The following IL21 variants were observed in gnomAD, a reference collection of about 807,000 sequenced individuals.
IL21 encodes the protein interleukin 21, also known as interleukin-21.
IL21 carries 3 observed loss-of-function variants against 18.4 expected under a neutral mutation model. The observed-to-expected ratio is 0.16, with a 90% confidence interval of 0.07 to 0.42. The LOEUF (loss-of-function observed/expected upper bound fraction) is 0.42, where lower values mean the gene tolerates loss of function less well. Among genes scored for constraint, IL21 ranks in the 10% least tolerant of loss-of-function variants. The probability of loss-of-function intolerance (pLI) is 0.99; values close to 1 mark genes in which losing one functional copy is unlikely to be tolerated. For synonymous variants in IL21, 37 were observed against 62.0 expected (o/e 0.60, Z 1.90); for missense variants, 130 against 188.4 (o/e 0.69, Z 1.81).
intron 3 of IL21, among the ~76,000 whole-genome samples, chr4:122,613,595 G>C (rs1315727678): frequency 1.3e-5 from 2 of 152,022 alleles, no homozygotes; most frequent in Admixed American, 6.5e-5. Flanking sequence ...CAGGTGATCC[G>C]CCTGCCTCGG....
rs1005467445 is a variant in IL21, at chr4:122,611,682, C to T, written c.*1028G>A. ...GGAGTCCTGGCCTCTTGGTTTGTCT[C>T]CTGATTTTTAAATTATATAGGTGAT... On this transcript the variant is annotated 3_prime_UTR_variant, in exon 5 of 5. Coordinates refer to ENST00000648588, the MANE Select transcript of IL21 (RefSeq NM_021803.4). 6.6e-6 allele frequency among the ~76,000 whole-genome samples: 1 copy of T among 151,996 alleles called. No homozygotes were observed. The highest frequency in any genetic ancestry group is 1.5e-5 in the Non-Finnish European group (1 of 68,004).
In IL21 at chr4:122,611,701, A is replaced by T. The variant is rs1174465657; in HGVS notation, c.*1009T>A. Among the ~76,000 whole-genome samples the T allele has an allele frequency of 1.3e-5, 2 of 152,150 alleles. No homozygotes were observed. The highest frequency in any genetic ancestry group is 2.9e-5 in the Non-Finnish European group (2 of 68,026). ...TTGTCTCCTGATTTTTAAATTATAT[A>T]GGTGATTGAATTTGTCTTATCCAAA... is the stretch of plus-strand genomic sequence containing the variant. On this transcript the variant is annotated 3_prime_UTR_variant, in exon 5 of 5. Transcript: ENST00000648588.
chr4:122,619,232 C>T (rs1270184329), intron 2 of IL21: 2 of 152,088 alleles, frequency 1.3e-5, no homozygotes, highest in Non-Finnish European at 2.9e-5. Context: ...CTCTTACAGA[C>T]CCTACTTTGA....
chr4:122,610,346 A>C lies in IL21; in HGVS notation c.*2364T>G, dbSNP rs940852973. Among the ~76,000 whole-genome samples the C allele has an allele frequency of 6.6e-6, 1 of 152,124 alleles. No homozygotes were observed. ...ACTAAAATAATAAAGATCATGATTA[A>C]TTTTCCCTGAACTCTCATGACCTAT... On this transcript the variant is annotated 3_prime_UTR_variant, in exon 5 of 5. Coordinates refer to ENST00000648588, the MANE Select transcript of IL21 (RefSeq NM_021803.4).
chr4:122,620,648 A>G (rs577263379), intron 2 of IL21, 53 bp downstream of exon 2: 2 of 1,491,330 alleles, frequency 1.3e-6, no homozygotes, highest in African/African-American at 2.8e-5. Context: ...TTCTTATTGG[A>G]TTTAAAAACT....
At chr4:122,614,814 T>C (rs1398584533) in intron 3 of IL21, among the ~76,000 whole-genome samples, 1 of 152,196 alleles carries the variant, frequency 6.6e-6, no homozygotes, top group African/African-American at 2.4e-5. Flanking sequence ...TGAGTTGGCA[T>C]ATACAAGAGG....
rs1179158629 is a variant in IL21, at chr4:122,611,653, G to A, written c.*1057C>T. Among the ~76,000 whole-genome samples the A allele has an allele frequency of 3.9e-5, 6 of 152,118 alleles. No individual in the cohort carries two copies. Among genetic ancestry groups the A allele is most frequent in the Non-Finnish European group, 8.8e-5 (6 of 68,012 alleles). Reference sequence around the variant, plus strand: ...TATGCGAAAGTCTGTTTTCAACTTGGACAGGAGTCCTGGCCTCTTGGTTTG... The same window carrying A: ...TATGCGAAAGTCTGTTTTCAACTTGAACAGGAGTCCTGGCCTCTTGGTTTG... On this transcript the variant is annotated 3_prime_UTR_variant, in exon 5 of 5. Transcript: ENST00000648588.
In IL21 at chr4:122,612,748, G is replaced by T; in HGVS notation, c.451C>A (p.His151Asn). Residue 151 changes from histidine to asparagine, a missense_variant, in exon 5 of 5, where the codon CAT (histidine) becomes AAT (asparagine). Physicochemically the swap from His to Asn is moderately conservative, Grantham distance 68. Transcript: ENST00000648588. ...KSLLQKMIHQHLSSRTHGSED... is the reference protein window; with the variant it reads ...KSLLQKMIHQNLSSRTHGSED... ...CTTCCGTGTGTTCTAGAGGACAGAT[G>T]CTGATGAATCATCTGTGGAAATAGT... 6.2e-7 allele frequency: 1 copy of T among 1,613,498 alleles called. No homozygotes were observed. Among genetic ancestry groups the T allele is most frequent in the Non-Finnish European group, 8.5e-7 (1 of 1,179,674 alleles).
At chr4:122,614,163 A>G (rs546206877) in intron 3 of IL21, among the ~76,000 whole-genome samples, 5 of 152,256 alleles carry the variant, frequency 3.3e-5, no homozygotes, top group African/African-American at 1.2e-4. Context: ...ACTCCTTTGT[A>G]GATCTCACTT....
At chr4:122,617,651 C>T (rs1180407729) in intron 2 of IL21, among the ~76,000 whole-genome samples, 1 of 152,182 alleles carries the variant, frequency 6.6e-6, no homozygotes, top group Non-Finnish European at 1.5e-5. Context: ...TTCTGAAAGC[C>T]TTTGAATGGT....
intron 3 of IL21, among the ~76,000 whole-genome samples, chr4:122,613,689 G>T (rs1560661347): frequency 6.6e-6 from 1 of 151,912 alleles, no homozygotes; most frequent in Admixed American, 6.6e-5. Context: ...TTACTCCAAA[G>T]AACATCTCTG....
At chr4:122,613,394 C>T (rs1799290523) in intron 3 of IL21, among the ~76,000 whole-genome samples, 1 of 148,246 alleles carries the variant, frequency 6.7e-6, no homozygotes, top group African/African-American at 2.5e-5. Context: ...CTGTGTCACC[C>T]AGGCTGGAGT....
At chr4:122,619,268 G>A (rs1799388770) in intron 2 of IL21, 1 of 152,086 alleles carries the variant, frequency 6.6e-6, no homozygotes, top group South Asian at 2.1e-4. Context: ...ATGCTAATGT[G>A]ACCTTGAACG....
chr4:122,615,641 T>C lies in IL21; in HGVS notation c.360+41A>G, dbSNP rs531353548. The C allele has an allele frequency of 3.8e-6, 6 of 1,572,422 alleles. No homozygotes were observed. In the South Asian group the frequency reaches 7.0e-5, roughly 18 times the overall value. On this transcript the variant is annotated intron_variant, in intron 3 of 4. Transcript: ENST00000648588. ...GTTTATGTAATGCAAGATATATAGTTTATAAGTACAAATAAGAGAGATGAC... is the reference window on the plus strand; with the variant it reads ...GTTTATGTAATGCAAGATATATAGTCTATAAGTACAAATAAGAGAGATGAC...
rs1423592697 is a variant in IL21 at position 122,610,116 on chromosome 4, G to A, written c.*2594C>T. ...ATCACAAAAGACGGTTGTACTGGGC[G>A]GGTAGTATTTAATATGATCAGGTCT... On this transcript the variant is annotated 3_prime_UTR_variant, in exon 5 of 5. Transcript: ENST00000648588. Among the ~76,000 whole-genome samples the A allele has an allele frequency of 1.3e-5, 2 of 151,908 alleles. No individual in the cohort carries two copies. The highest frequency in any genetic ancestry group is 4.8e-5 in the African/African-American group (2 of 41,338).
rs569580396 is a variant in IL21 at position 122,616,515 on chromosome 4, A to G, written c.205-678T>C. 2.6e-5 allele frequency among the ~76,000 whole-genome samples: 4 copies of G among 152,318 alleles called. No homozygotes were observed. In the South Asian group the frequency reaches 8.3e-4, roughly 32 times the overall value. On this transcript the variant is annotated intron_variant, in intron 2 of 4. Coordinates refer to ENST00000648588, the MANE Select transcript of IL21 (RefSeq NM_021803.4). ...AAAACCCTTTTCATACTCCCAGCTCAGTTAGGGTTAGGATTCTGCCTGAAT... is the reference window on the plus strand; with the variant it reads ...AAAACCCTTTTCATACTCCCAGCTCGGTTAGGGTTAGGATTCTGCCTGAAT...
At position 122,612,621 on chromosome 4, in the gene IL21, T is replaced by C; in HGVS notation, c.*89A>G. 2.1e-6 allele frequency: 2 copies of C among 957,230 alleles called. No individual in the cohort carries two copies. Among genetic ancestry groups the C allele is most frequent in the South Asian group, 2.7e-5 (2 of 74,622 alleles). The allele number at this position is 957,230 out of a possible 1,614,324, so 59.3% of individuals were successfully genotyped here. A position where few individuals can be genotyped will look rare whatever the true frequency, so the allele number is the denominator to read the frequency against. On this transcript the variant is annotated 3_prime_UTR_variant, in exon 5 of 5. Transcript: ENST00000648588. ...GAGTTTTTTTTTCCCATCGCTAATA[T>C]ATTGTACTCCTCCACTTGGAATACA...
intron 2 of IL21, among the ~76,000 whole-genome samples, chr4:122,620,345 G>T (rs17884784): frequency 6.6e-6 from 1 of 152,116 alleles, no homozygotes; most frequent in African/African-American, 2.4e-5. Context: ...AGGCTCAAAA[G>T]CTTTCATGCC....
chr4:122,620,644 T>C (rs935413974), intron 2 of IL21, 57 bp downstream of exon 2: 19 of 1,448,222 alleles, frequency 1.3e-5, no homozygotes, highest in African/African-American at 2.8e-5. Flanking sequence ...GTCTTTCTTA[T>C]TGGATTTAAA....
Sources: gnomAD v4.1 joint callset for allele counts (sites outside exome capture counted in the v4.1 genomes callset) on GRCh38, gnomAD v4.1.1 for gene constraint, MANE v1.5 for transcripts, NCBI Gene and HGNC (gene_info 2026-07-23, HGNC 2026-07-21) for gene names.